Variants in KARS1 observed in about 807,000 individuals in gnomAD.
The protein encoded by KARS1 is lysyl-tRNA synthetase 1.
KARS1 carries 50 observed loss-of-function variants against 63.9 expected under a neutral mutation model. The observed-to-expected ratio is 0.78, with a 90% CI of 0.62 to 0.99. The LOEUF (loss-of-function observed/expected upper bound fraction) is 0.99. Ranked by LOEUF, KARS1 falls within the 50% of genes least tolerant of loss-of-function variation. The pLI, the probability that KARS1 is intolerant of heterozygous loss-of-function variation, is 0.00. For missense variants in KARS1, 816 were observed against 754.5 expected (o/e 1.08, Z -0.95); for synonymous variants, 320 against 264.6 (o/e 1.21, Z -2.03).
rs1441422430 is a variant in KARS1, at chr16:75,644,340, C to G, written c.63-2617G>C. 4 of 1,609,854 alleles carry G rather than the reference C, an allele frequency of 2.5e-6. No individual in the cohort carries two copies. The highest frequency in any genetic ancestry group is 1.7e-5 in the Admixed American group (1 of 59,412). On this transcript the variant is annotated intron_variant, in intron 1 of 13. Transcript: ENST00000302445. The stretch of plus-strand genomic sequence containing the variant: ...AGGCGCTGTGAAAGGAGCAAGTTGA[C>G]CCAGTCGCAGTTCCCTGTGACCCCA...
At chr16:75,632,436 G>A (rs956692783) in intron 7 of KARS1, among the ~76,000 whole-genome samples, 4 of 152,166 alleles carry the variant, frequency 2.6e-5, no homozygotes, top group African/African-American at 9.7e-5. Flanking sequence ...AGCCTCTCTT[G>A]GGGTTAGGCT....
At chr16:75,634,086 C>T (rs767658376) in intron 7 of KARS1, 87 bp downstream of exon 7, 98 of 1,414,582 alleles carry the variant, frequency 6.9e-5, no homozygotes, top group Non-Finnish European at 8.6e-5. Context: ...TCTCTCTGTT[C>T]CTCTTATTTC....
chr16:75,636,462 G>A lies in KARS1; in HGVS notation c.474C>T (p.Ala158=). The change falls in exon 4 of 14, where the codon GCC becomes GCT. Residue 158 remains alanine (A), a synonymous_variant. Transcript: ENST00000302445. The part of the protein sequence containing the change: ...RGEGVKLQVM[A]NSRNYKSEEE... The stretch of plus-strand genomic sequence containing the variant: ...TGGGTATTTCGAGATACCTGGAATT[G>A]GCCATGACTTGCAACTTCACCCCCT... 6.2e-7 allele frequency: 1 copy of A among 1,606,236 alleles called. No homozygotes were observed.
intron 9 of KARS1, 77 bp downstream of exon 9, chr16:75,631,339 T>C: frequency 1.3e-6 from 2 of 1,581,612 alleles, no homozygotes; most frequent in South Asian, 1.1e-5. Context: ...TGGGAAATTC[T>C]AGCTCTGACC....
chr16:75,628,051 G>C, intron 13 of KARS1, 58 bp from the exon 14 acceptor site: 1 of 988,620 alleles, frequency 1.0e-6, no homozygotes, highest in African/African-American at 1.6e-5. Flanking sequence ...TTTTTTCACA[G>C]CTATCTACCC....
intron 1 of KARS1, among the ~76,000 whole-genome samples, chr16:75,643,052 T>G (rs554807839): frequency 6.6e-6 from 1 of 152,350 alleles, no homozygotes; most frequent in East Asian, 1.9e-4. Flanking sequence ...CTCTTGATAC[T>G]TATCACTTGA....
chr16:75,645,053 G>A (rs1042734412), intron 1 of KARS1, among the ~76,000 whole-genome samples: 1 of 152,198 alleles, frequency 6.6e-6, no homozygotes, highest in Admixed American at 6.5e-5. Context: ...CTTCTTTACC[G>A]TGTTCAAATA....
chr16:75,628,826 A>AGTGTCAGGAG, intron 12 of KARS1, 114 bp from the exon 13 acceptor site: 2 of 1,080,234 alleles, frequency 1.9e-6, no homozygotes, highest in Non-Finnish European at 2.8e-6. Context: ...GATGCTCCTG[A>AGTGTCAGGAG]CACTCAGGAC....
intron 1 of KARS1, 50 bp downstream of exon 1, chr16:75,647,528 G>T: frequency 6.4e-7 from 1 of 1,566,930 alleles, no homozygotes; most frequent in Non-Finnish European, 8.8e-7. Context: ...GCGCTTCCCA[G>T]CCCAGACTCT....
rs886052328 is a variant in KARS1, at chr16:75,631,419, C to T, written c.1249G>A (p.Glu417Lys). ...GGAGTGAGTGTTGTCACTTTACCTT[C>T]AGTTTCAAAGAGGTTCGTTTCTGGC... Reference protein sequence around the residue: ...KLPETNLFETEETRKILDDIC... With the variant: ...KLPETNLFETKETRKILDDIC... The change falls in exon 9 of 14, where the codon GAA becomes AAA. Residue 417 changes from glutamate (E) to lysine (K), a missense_variant. Physicochemically the swap from Glu to Lys is moderately conservative, Grantham distance 56 (BLOSUM62 1). Transcript: ENST00000302445. 1 of 1,614,122 alleles carries T rather than the reference C, an allele frequency of 6.2e-7. No homozygotes were observed. The highest frequency in any genetic ancestry group is 2.2e-5 in the East Asian group (1 of 44,882).
At chr16:75,644,203 C>A in intron 1 of KARS1, 2 of 1,326,210 alleles carry the variant, frequency 1.5e-6, no homozygotes, top group South Asian at 1.3e-5. Flanking sequence ...AAAGACTTAG[C>A]CAGAGGCTTA....
intron 3 of KARS1, chr16:75,639,972 C>T: frequency 1.7e-6 from 1 of 585,006 alleles, no homozygotes; most frequent in South Asian, 2.0e-5. Context: ...GAAAGCCCCT[C>T]TCTTTGTAGC....
chr16:75,634,096 C>T (rs1482187479), intron 7 of KARS1, 77 bp downstream of exon 7: 3 of 1,490,738 alleles, frequency 2.0e-6, no homozygotes, highest in Admixed American at 3.4e-5. Flanking sequence ...CCTCTTATTT[C>T]TGACTATACC....
chr16:75,631,143 G>C (rs2082107572), intron 10 of KARS1, 25 bp downstream of exon 10: 2 of 1,587,880 alleles, frequency 1.3e-6, no homozygotes, highest in Non-Finnish European at 1.7e-6. Context: ...ATGAGGACAT[G>C]TACAAGAAGG....
chr16:75,641,554 G>A lies in KARS1; in HGVS notation c.222+10C>T, dbSNP rs374496494. 6.2e-5 allele frequency: 100 copies of A among 1,611,964 alleles called. No individual in the cohort carries two copies. Among genetic ancestry groups the A allele is most frequent in the Non-Finnish European group, 7.9e-5 (93 of 1,179,008 alleles). ...TGTGCCCAACCATGCTGGTGGCCCA[G>A]GGAACTCACATTTGGGTCCACGCTC... On this transcript the variant is annotated intron_variant, in intron 2 of 13. Transcript: ENST00000302445.
intron 12 of KARS1, 110 bp downstream of exon 12, chr16:75,629,305 A>T: frequency 1.4e-6 from 2 of 1,388,954 alleles, no homozygotes; most frequent in Non-Finnish European, 2.0e-6. Context: ...CTATGGCTTT[A>T]TCTTTCACTT....
At chr16:75,640,161 G>C in intron 3 of KARS1, 23 bp downstream of exon 3, 12 of 1,610,412 alleles carry the variant, frequency 7.5e-6, no homozygotes, top group Non-Finnish European at 1.0e-5. Flanking sequence ...GGAGTTCAGT[G>C]ATTTGCCAGG....
intron 2 of KARS1, among the ~76,000 whole-genome samples, 172 bp from the exon 3 acceptor site, chr16:75,640,521 T>C (rs915769736): frequency 8.5e-5 from 13 of 152,190 alleles, no homozygotes; most frequent in South Asian, 2.1e-4. Flanking sequence ...GCACTTAAAA[T>C]ATGCAGGGCG....
chr16:75,631,772 A>G lies in KARS1; in HGVS notation c.999T>C (p.Pro333=), dbSNP rs902858599. The G allele has an allele frequency of 1.9e-6, 3 of 1,613,978 alleles. No individual in the cohort carries two copies. In the African/African-American group the frequency reaches 4.0e-5, roughly 22 times the overall value. The part of the protein sequence containing the change: ...RNEGIDLTHN[P]EFTTCEFYMA... ...TGTAGAACTCACAGGTGGTGAACTC[A>G]GGATTGTGCGTCAAATCAATCCCCT... is the stretch of plus-strand genomic sequence containing the variant. The change falls in exon 8 of 14, where the codon CCT becomes CCC. Residue 333 remains proline, a synonymous_variant. Transcript: ENST00000302445.
Sources: gnomAD v4.1 joint callset for allele counts (sites outside exome capture counted in the v4.1 genomes callset) on GRCh38, gnomAD v4.1.1 for gene constraint, MANE v1.5 for transcripts, NCBI Gene and HGNC (gene_info 2026-07-23, HGNC 2026-07-21) for gene names.